The following EHBP1 variants were observed in gnomAD, a reference collection of about 807,000 sequenced individuals.
EHBP1 encodes the protein EH domain binding protein 1.
Under a neutral mutation model 144.0 loss-of-function variants are expected in EHBP1, and 55 were observed. The ratio of observed to expected loss-of-function variants is 0.38; its 90% CI spans 0.31 to 0.48. The LOEUF (loss-of-function observed/expected upper bound fraction) is 0.48, where lower values mean the gene tolerates loss of function less well. Among genes scored for constraint, EHBP1 ranks in the 20% least tolerant of loss-of-function variants. The pLI, the probability that EHBP1 is intolerant of heterozygous loss-of-function variation, is 0.98. For synonymous variants in EHBP1, 469 were observed against 472.7 expected, an observed-to-expected ratio of 0.99 and a Z score of 0.10; for missense variants, 1,200 against 1,364.2, an observed-to-expected ratio of 0.88 and a Z score of 1.90.
intron 2 of EHBP1, among the ~76,000 whole-genome samples, chr2:62,735,638 T>C (rs953408686): frequency 2.6e-5 from 4 of 152,232 alleles, no homozygotes; most frequent in Non-Finnish European, 4.4e-5. Flanking sequence ...CTTATGTAGA[T>C]TCGAGTTTCT....
chr2:62,822,861 G>A (rs1233715506), intron 5 of EHBP1, among the ~76,000 whole-genome samples: 1 of 152,030 alleles, frequency 6.6e-6, no homozygotes, highest in Non-Finnish European at 1.5e-5. Context: ...GATTCCAACC[G>A]CAATAGACTG....
At chr2:62,681,749 A>G (rs901100014) in intron 1 of EHBP1, among the ~76,000 whole-genome samples, 2 of 152,158 alleles carry the variant, frequency 1.3e-5, no homozygotes, top group African/African-American at 4.8e-5. Context: ...AGACTGTATC[A>G]TATCATAAGG....
At chr2:62,911,435 T>C (rs751024356) in intron 10 of EHBP1, among the ~76,000 whole-genome samples, 5 of 152,130 alleles carry the variant, frequency 3.3e-5, no homozygotes, top group African/African-American at 7.2e-5. Context: ...TTTTTTAACT[T>C]TCCTGTCCTG....
upstream of EHBP1, among the ~76,000 whole-genome samples, chr2:62,704,065 G>GA (rs1171060789): frequency 6.6e-6 from 1 of 152,186 alleles, no homozygotes; most frequent in Non-Finnish European, 1.5e-5. Context: ...TAAAGATGCA[G>GA]AATATATTAT....
At chr2:62,840,346 G>C (rs2047707892) in intron 7 of EHBP1, among the ~76,000 whole-genome samples, 1 of 127,692 alleles carries the variant, frequency 7.8e-6, no homozygotes, top group Non-Finnish European at 1.7e-5. Flanking sequence ...ATTCAAGATG[G>C]ATTAAAGACT....
chr2:62,754,627 C>T lies in EHBP1; in HGVS notation c.162+7175C>T, dbSNP rs528971771. Among the ~76,000 whole-genome samples the T allele has an allele frequency of 1.5e-3, 223 of 152,298 alleles. 1 individual carries two copies. The highest frequency in any genetic ancestry group is 5.1e-3 in the African/African-American group (214 of 41,586). ...GAGGCAGGCAGGCCTCCTTGAGCTG[C>T]GGTGGGCTCCACCCAGTTCGAGCTT... On this transcript the variant is annotated intron_variant, in intron 3 of 22. Coordinates refer to ENST00000431489, the MANE Select transcript of EHBP1 (RefSeq NM_001142616.3).
At chr2:62,956,182 G>C (rs568720160) in intron 14 of EHBP1, 1 of 152,322 alleles carries the variant, frequency 6.6e-6, no homozygotes, top group East Asian at 1.9e-4. Flanking sequence ...TCCAGAGTCA[G>C]TCCACTTTCC....
chr2:62,981,917 T>G (rs1396215964), intron 15 of EHBP1, among the ~76,000 whole-genome samples: 2 of 152,150 alleles, frequency 1.3e-5, no homozygotes, highest in African/African-American at 4.8e-5. Flanking sequence ...ATTTTCCCCA[T>G]AGGACACAGC....
At chr2:62,868,684 A>T (rs2050229676) in intron 9 of EHBP1, among the ~76,000 whole-genome samples, 1 of 152,170 alleles carries the variant, frequency 6.6e-6, no homozygotes, top group East Asian at 1.9e-4. Flanking sequence ...GCAGTGGTTC[A>T]TGCCTGTAAT....
At chr2:62,690,228 G>C (rs926460402) in intron 1 of EHBP1, among the ~76,000 whole-genome samples, 2 of 152,144 alleles carry the variant, frequency 1.3e-5, no homozygotes, top group Non-Finnish European at 2.9e-5. Context: ...GGGGATGATG[G>C]AGTATATGTG....
chr2:62,764,435 C>A, intron 4 of EHBP1, 74 bp downstream of exon 4: 2 of 1,199,540 alleles, frequency 1.7e-6, no homozygotes, highest in South Asian at 3.4e-5. Context: ...TTTCAGTGTT[C>A]ATTGTTCTAT....
chr2:62,873,286 G>A (rs2050630335), intron 9 of EHBP1, among the ~76,000 whole-genome samples: 1 of 152,046 alleles, frequency 6.6e-6, no homozygotes, highest in African/African-American at 2.4e-5. Flanking sequence ...TAAATGATTA[G>A]TAACTCAAAT....
intron 5 of EHBP1, among the ~76,000 whole-genome samples, chr2:62,807,693 C>T (rs2044627344): frequency 6.6e-6 from 1 of 152,138 alleles, no homozygotes; most frequent in Non-Finnish European, 1.5e-5. Flanking sequence ...TCTTGCAAAG[C>T]AGATCTACTG....
intron 5 of EHBP1, among the ~76,000 whole-genome samples, chr2:62,799,003 CAAAAAAA>C (rs757731955): frequency 6.5e-5 from 5 of 76,786 alleles, no homozygotes; most frequent in East Asian, 4.0e-4. Flanking sequence ...GACTCCGTCT[CAAAAAAA>C]AAAAAAAAAA....
chr2:62,765,883 G>A (rs567845510), intron 4 of EHBP1, among the ~76,000 whole-genome samples: 30 of 152,178 alleles, frequency 2.0e-4, no homozygotes, highest in Middle Eastern at 3.4e-3. Context: ...TGTCCTAAGT[G>A]CATCATGGAA....
At chr2:62,955,447 T>G in intron 13 of EHBP1, 70 bp from the exon 14 acceptor site, 1 of 1,451,734 alleles carries the variant, frequency 6.9e-7, no homozygotes, top group African/African-American at 1.4e-5. Context: ...TTGTCTAACC[T>G]TTCATTAGTT....
intron 10 of EHBP1, among the ~76,000 whole-genome samples, chr2:62,940,528 G>T (rs1347966387): frequency 6.6e-6 from 1 of 152,138 alleles, no homozygotes; most frequent in Non-Finnish European, 1.5e-5. Flanking sequence ...GTAAAATCAA[G>T]AGCCAGCTGT....
chr2:62,845,833 T>C (rs1425056218), intron 7 of EHBP1, among the ~76,000 whole-genome samples: 3 of 152,144 alleles, frequency 2.0e-5, no homozygotes, highest in Non-Finnish European at 4.4e-5. Context: ...GGCCACCTAT[T>C]TTGGAGGTCA....
intron 7 of EHBP1, among the ~76,000 whole-genome samples, chr2:62,853,051 C>T (rs995401808): frequency 6.6e-6 from 1 of 152,136 alleles, no homozygotes; most frequent in African/African-American, 2.4e-5. Flanking sequence ...TATATTTACT[C>T]ATTTAGAAAA....
Sources: allele counts gnomAD v4.1 joint callset (sites outside exome capture counted in the v4.1 genomes callset), GRCh38; gene constraint gnomAD v4.1.1; transcripts MANE v1.5; gene names NCBI Gene and HGNC (gene_info 2026-07-23, HGNC 2026-07-21).